The following OPLAH variants were observed in gnomAD, a reference collection of about 807,000 sequenced individuals.
OPLAH encodes the protein 5-oxoprolinase.
In OPLAH, 103 loss-of-function variants were observed where a neutral mutation model predicts 122.8. The observed-to-expected ratio is 0.84, with a 90% CI of 0.71 to 0.99. The LOEUF (loss-of-function observed/expected upper bound fraction) is 0.99. OPLAH is among the 50% of genes least tolerant of loss of function. The pLI is 0.00. For missense variants in OPLAH, 1,902 were observed against 1,836.5 expected (o/e 1.04, Z -0.65); for synonymous variants, 875 against 796.0 (o/e 1.10, Z -1.67).
Position 144,058,604 on chromosome 8 carries a change from C to T in OPLAH, c.675G>A (p.Met225Ile). ...TGTGCCCCCGAGGGACGATGCGCAC[C>T]ATGGGCATGGCCTCCGAGGACAGTG... ...HVSLSSEAMP[M>I]VRIVPRGHTA... The change falls in exon 6 of 27, where the codon ATG becomes ATA. Residue 225 changes from methionine (M) to isoleucine (I), a missense_variant. Around this residue, in one of 3 missense-constraint regions of OPLAH, gnomAD observed 1,726 missense variants for 1,642.1 expected, o/e 1.05. Transcript: ENST00000618853. The T allele has an allele frequency of 6.2e-7, 1 of 1,603,414 alleles. No homozygotes were observed. The highest frequency in any genetic ancestry group is 8.5e-7 in the Non-Finnish European group (1 of 1,179,394).
chr8:144,058,443 A>AAGGCCC (rs782021869), intron 6 of OPLAH, 39 bp from the exon 7 acceptor site: 18 of 1,583,770 alleles, frequency 1.1e-5, no homozygotes, highest in African/African-American at 1.1e-4. Flanking sequence ...GGGGCAGGCC[A>AAGGCCC]AGGCCCAGGC....
In OPLAH at chr8:144,056,756, C is replaced by G; in HGVS notation, c.1707-1G>C. On this transcript the variant is annotated splice_acceptor_variant, in intron 12 of 26. Transcript: ENST00000618853. LOFTEE classifies it high-confidence loss of function. ...GAAGCTCTCAGTGCTGATCTGGGAC[C>G]TGCAGCAGGTGGTTGGGGGCACTCA... 6.2e-7 allele frequency: 1 copy of G among 1,602,178 alleles called. No homozygotes were observed. The highest frequency in any genetic ancestry group is 8.5e-7 in the Non-Finnish European group (1 of 1,173,214).
intron 26 of OPLAH, 24 bp from the exon 27 acceptor site, chr8:144,051,496 G>GGGC: frequency 1.6e-6 from 2 of 1,250,486 alleles, no homozygotes; most frequent in Non-Finnish European, 2.2e-6. Context: ...GGGGGGCGGG[G>GGGC]AGGCGGGCTC....
rs781909481 is a variant in OPLAH at position 144,055,895 on chromosome 8, G to A, written c.2141C>T (p.Thr714Ile). 3.8e-6 allele frequency: 6 copies of A among 1,587,602 alleles called. No individual in the cohort carries two copies. The highest frequency in any genetic ancestry group is 1.1e-5 in the South Asian group (1 of 87,180). Residue 714 changes from threonine to isoleucine, a missense_variant, in exon 16 of 27, where the codon ACA becomes ATA. Transcript: ENST00000618853. The surrounding 1 kb of genome is among the most constrained non-coding windows in gnomAD (Gnocchi z 6.5). Reference protein sequence around the residue: ...EPGCQAEVTKTGDICISVGAE... With the variant: ...EPGCQAEVTKIGDICISVGAE... ...CCCCACGGAGATGCAGATGTCCCCTGTCTTGGTCACCTCTGCCTGGCAACC... is the reference window on the plus strand; with the variant it reads ...CCCCACGGAGATGCAGATGTCCCCTATCTTGGTCACCTCTGCCTGGCAACC...
chr8:144,054,854 A>G lies in OPLAH; in HGVS notation c.2469T>C (p.Ser823=). The change falls in exon 18 of 27, where the codon AGT becomes AGC. Residue 823 remains serine (S), a synonymous_variant. Coordinates refer to ENST00000618853, the MANE Select transcript of OPLAH (RefSeq NM_017570.5). ...PGDVLLSNHP[S]AGGSHLPDLT... ...GGTCTGGCAGGTGGCTGCCCCCGGC[A>G]CTGGGATGGTTGCTCAGTAGCACGT... 6.2e-7 allele frequency: 1 copy of G among 1,611,982 alleles called. No individual in the cohort carries two copies. Among genetic ancestry groups the G allele is most frequent in the Non-Finnish European group, 8.5e-7 (1 of 1,179,712 alleles).
Position 144,053,279 on chromosome 8 carries a change from A to C in OPLAH, c.2801T>G (p.Ile934Ser). 3 of 1,613,028 alleles carry C rather than the reference A, an allele frequency of 1.9e-6. No individual in the cohort carries two copies. Among genetic ancestry groups the C allele is most frequent in the Non-Finnish European group, 2.5e-6 (3 of 1,179,810 alleles). The change falls in exon 20 of 27, where the codon ATC becomes AGC. Residue 934 changes from isoleucine (I) to serine (S), a missense_variant. By Grantham distance (142) the Ile-to-Ser change is moderately radical (BLOSUM62 -2). Coordinates refer to ENST00000618853, the MANE Select transcript of OPLAH (RefSeq NM_017570.5). ...CCCAATGAGCTCCCCCACCAGCTGGATGCCCTTCTGGTTGGCTGCCACCTG... is the reference window on the plus strand; with the variant it reads ...CCCAATGAGCTCCCCCACCAGCTGGCTGCCCTTCTGGTTGGCTGCCACCTG... Reference protein sequence around the residue: ...RAQVAANQKGIQLVGELIGQY... With the variant: ...RAQVAANQKGSQLVGELIGQY...
chr8:144,056,013 G>A (rs1835504448), intron 15 of OPLAH, 74 bp from the exon 16 acceptor site: 1 of 1,492,734 alleles, frequency 6.7e-7, no homozygotes. Flanking sequence ...CACGGCCCCA[G>A]GCCAGGGGCC....
upstream of OPLAH, among the ~76,000 whole-genome samples, chr8:144,062,988 C>A (rs1835688415): frequency 1.3e-5 from 2 of 152,064 alleles, no homozygotes; most frequent in Admixed American, 1.3e-4. Context: ...CAGGCTCAGG[C>A]CTCCCTTGGC....
At position 144,055,196 on chromosome 8, in the gene OPLAH, G is replaced by T; in HGVS notation, c.2249-7C>A. ...AGGATGCGGCCCATCTGCTCTAGGA[G>T]CACAAAGTGACCAGGCCCGCTGGCC... On this transcript the variant is annotated splice_polypyrimidine_tract_variant and splice_region_variant and intron_variant, in intron 16 of 26. Transcript: ENST00000618853. This position sits in a 1 kb window ranked among gnomAD's most constrained non-coding sequence, Gnocchi z 6.5. 6.6e-7 allele frequency: 1 copy of T among 1,511,690 alleles called. No individual in the cohort carries two copies. The highest frequency in any genetic ancestry group is 8.8e-7 in the Non-Finnish European group (1 of 1,131,314). The allele number at this position is 1,511,690 out of a possible 1,614,324, so 93.6% of individuals were successfully genotyped here.
In OPLAH at chr8:144,054,670, G is replaced by A. The variant is rs781907849; in HGVS notation, c.2577C>T (p.Ile859=). The A allele has an allele frequency of 1.2e-5, 19 of 1,612,394 alleles. No homozygotes were observed. Among genetic ancestry groups the A allele is most frequent in the Admixed American group, 5.0e-5 (3 of 59,978 alleles). ...GCATGGAGCCTGGTGTGATGCCCCC[G>A]ATGTCTGCGTGGTGCCCTCGGCTGG... The part of the protein sequence containing the change: ...YVASRGHHAD[I]GGITPGSMPP... The change falls in exon 19 of 27, where the codon ATC becomes ATT. Residue 859 remains isoleucine, a synonymous_variant. Coordinates refer to ENST00000618853, the MANE Select transcript of OPLAH (RefSeq NM_017570.5).
At chr8:144,052,732 TG>T (rs1554757991) in intron 22 of OPLAH, 33 bp downstream of exon 22, 6 of 1,556,738 alleles carry the variant, frequency 3.9e-6, no homozygotes, top group East Asian at 2.4e-5. Flanking sequence ...GACCTCGGGC[TG>T]GGGCCCCCCC....
At position 144,059,770 on chromosome 8, in the gene OPLAH, G is replaced by A. The variant is rs782596422; in HGVS notation, c.192C>T (p.Pro64=). 1.2e-6 allele frequency: 2 copies of A among 1,608,600 alleles called. No individual in the cohort carries two copies. Among genetic ancestry groups the A allele is most frequent in the South Asian group, 2.2e-5 (2 of 91,014 alleles). The change falls in exon 3 of 27, where the codon CCC becomes CCT. Residue 64 remains proline, a synonymous_variant. Transcript: ENST00000618853. ...ILEQEAGMLL[P]RDQPLDSSHI... The stretch of plus-strand genomic sequence containing the variant: ...GACTGGAGTCCAGCGGCTGGTCCCG[G>A]GGCAGGAGCATGCCGGCCTCCTGGG...
chr8:144,061,681 C>A (rs1835666141), upstream of OPLAH, among the ~76,000 whole-genome samples: 1 of 152,204 alleles, frequency 6.6e-6, no homozygotes, highest in Non-Finnish European at 1.5e-5. Flanking sequence ...AAAGGGGAGG[C>A]ATTAATAATC....
chr8:144,052,033 C>T lies in OPLAH; in HGVS notation c.3505G>A (p.Gly1169Arg). Residue 1169 changes from glycine to arginine, a missense_variant, in exon 25 of 27, where the codon GGG becomes AGG. Around this residue, in one of 3 missense-constraint regions of OPLAH, gnomAD observed 1,726 missense variants for 1,642.1 expected, o/e 1.05. Coordinates refer to ENST00000618853, the MANE Select transcript of OPLAH (RefSeq NM_017570.5). ...LRRFELRRGSGGRGRFRGGDG... is the reference protein window; with the variant it reads ...LRRFELRRGSRGRGRFRGGDG... ...CCGCCTCGGAAGCGGCCTCTGCCCCCCGAGCCCCGCCGCAGCTCGAAGCGG... is the reference window on the plus strand; with the variant it reads ...CCGCCTCGGAAGCGGCCTCTGCCCCTCGAGCCCCGCCGCAGCTCGAAGCGG... 1.3e-6 allele frequency: 2 copies of T among 1,589,910 alleles called. No individual in the cohort carries two copies. Among genetic ancestry groups the T allele is most frequent in the Non-Finnish European group, 1.7e-6 (2 of 1,176,308 alleles).
At position 144,054,848 on chromosome 8, in the gene OPLAH, C is replaced by T. The variant is rs145429585; in HGVS notation, c.2475G>A (p.Gly825=). 3.1e-6 allele frequency: 5 copies of T among 1,612,126 alleles called. No homozygotes were observed. The African/African-American group carries it at 6.7e-5, about 22-fold the overall frequency. Residue 825 remains glycine, a synonymous_variant, in exon 18 of 27, where the codon GGG becomes GGA. Transcript: ENST00000618853. ...DVLLSNHPSA[G]GSHLPDLTVI... is the part of the protein sequence containing the mutation. ...CAGTCAGGTCTGGCAGGTGGCTGCC[C>T]CCGGCACTGGGATGGTTGCTCAGTA...
chr8:144,058,956 C>G, intron 4 of OPLAH, 24 bp downstream of exon 4: 1 of 1,558,710 alleles, frequency 6.4e-7, no homozygotes, highest in Non-Finnish European at 8.7e-7. Flanking sequence ...GCCCCAAATC[C>G]CACAGCAGCG....
Position 144,059,906 on chromosome 8 carries a change from A to G in OPLAH, c.127T>C (p.Tyr43His), listed in dbSNP as rs1564294981. ...ATGCCTTCGGTTGGCGCGTCCGCATAGTTGGCAGGGTCCTCTGAGAGCAGT... is the reference window on the plus strand; with the variant it reads ...ATGCCTTCGGTTGGCGCGTCCGCATGGTTGGCAGGGTCCTCTGAGAGCAGT... ...LKLLSEDPAN[Y>H]ADAPTEGIRR... The change falls in exon 2 of 27, where the codon TAT becomes CAT. Residue 43 changes from tyrosine to histidine, a missense_variant. Physicochemically the swap from Tyr to His is moderately conservative, Grantham distance 83. Around this residue, in one of 3 missense-constraint regions of OPLAH, gnomAD observed 168 missense variants for 170.6 expected, o/e 0.98. Transcript: ENST00000618853. 1 of 1,612,772 alleles carries G rather than the reference A, an allele frequency of 6.2e-7. No individual in the cohort carries two copies. Among genetic ancestry groups the G allele is most frequent in the Middle Eastern group, 1.6e-4 (1 of 6,062 alleles).
At position 144,057,847 on chromosome 8, in the gene OPLAH, G is replaced by T. The variant is rs782614782; in HGVS notation, c.1156+9C>A. The stretch of plus-strand genomic sequence containing the variant: ...GGCAAGGCCAGGCCGGCCAGATCCT[G>T]ACTCTTACCTTTGCGGTAGCAGGCG... On this transcript the variant is annotated intron_variant, in intron 9 of 26. Coordinates refer to ENST00000618853, the MANE Select transcript of OPLAH (RefSeq NM_017570.5). The T allele has an allele frequency of 1.2e-6, 2 of 1,610,320 alleles. No individual in the cohort carries two copies. Among genetic ancestry groups the T allele is most frequent in the Middle Eastern group, 3.3e-4 (2 of 6,052 alleles).
rs1283867787 is a variant in OPLAH at position 144,055,106 on chromosome 8, G to A, written c.2332C>T (p.Pro778Ser). 2 of 1,584,854 alleles carry A rather than the reference G, an allele frequency of 1.3e-6. No homozygotes were observed. Among genetic ancestry groups the A allele is most frequent in the Admixed American group, 3.6e-5 (2 of 56,164 alleles). The part of the protein sequence containing the change: ...RLDFSCALFG[P>S]DGGLVSNAPH... ...GCATTGGACACCAGCCCCCCATCGG[G>A]CCCAAAGAGGGCACAGGAGAAGTCC... Residue 778 changes from proline (P) to serine (S), a missense_variant, in exon 17 of 27, where the codon CCC (proline) becomes TCC (serine). Physicochemically the swap from Pro to Ser is moderately conservative, Grantham distance 74 (BLOSUM62 -1). Coordinates refer to ENST00000618853, the MANE Select transcript of OPLAH (RefSeq NM_017570.5). The surrounding 1 kb of genome is among the most constrained non-coding windows in gnomAD (Gnocchi z 6.5).
Sources: gnomAD v4.1 joint callset for allele counts (sites outside exome capture counted in the v4.1 genomes callset) on GRCh38, gnomAD v4.1.1 for gene constraint, gnomAD v4.1.1 regional missense constraint, Gnocchi (gnomAD v3.1) non-coding constraint, MANE v1.5 for transcripts, NCBI Gene and HGNC (gene_info 2026-07-23, HGNC 2026-07-21) for gene names.